CHST6: variants seen among roughly 807,000 people sequenced by gnomAD.
The protein encoded by CHST6 is carbohydrate sulfotransferase 6, also known as N-acetylglucosamine 6-O-sulfotransferase 5.
For missense variants in CHST6, 698 were observed against 586.2 expected (o/e 1.19, Z -1.97); for synonymous variants, 309 against 276.4 (o/e 1.12, Z -1.17).
chr16:75,475,185 A>G lies in CHST6; in HGVS notation c.*3456T>C, dbSNP rs1428025184. The G allele has an allele frequency of 6.6e-6, 1 of 152,420 alleles. No individual in the cohort carries two copies. The highest frequency in any genetic ancestry group is 1.9e-4 in the East Asian group (1 of 5,206). 9.4% of individuals were successfully genotyped at this position (152,420 alleles called of 1,614,324 possible). On this transcript the variant is annotated 3_prime_UTR_variant, in exon 3 of 3. Coordinates refer to ENST00000332272, the MANE Select transcript of CHST6 (RefSeq NM_021615.5). ...CAAGCCTCACCTCACAACACTGGGG[A>G]TCAAGGTTCCAACTTTGGGAGACAC...
At position 75,478,739 on chromosome 16, in the gene CHST6, C is replaced by CA. The variant is rs756252262; in HGVS notation, c.1089dup (p.Glu364Ter). 3.7e-6 allele frequency: 6 copies of CA among 1,613,432 alleles called. No individual in the cohort carries two copies. In the African/African-American group the frequency reaches 4.0e-5, roughly 11 times the overall value. On this transcript the variant is annotated frameshift_variant, in exon 3 of 3. Coordinates refer to ENST00000332272, the MANE Select transcript of CHST6 (RefSeq NM_021615.5). LOFTEE classifies it low-confidence loss of function (END_TRUNC). Reference sequence around the variant, plus strand: ...AGGGCGAGGTTGCGCTGCTCGTCCTCAGAGTACACAGGCCGGTAGCCCAGC... The same window carrying CA: ...AGGGCGAGGTTGCGCTGCTCGTCCTCAAGAGTACACAGGCCGGTAGCCCAGC...
chr16:75,478,775 C>T lies in CHST6; in HGVS notation c.1054G>A (p.Ala352Thr), dbSNP rs767693809. 3 of 1,613,476 alleles carry T rather than the reference C, an allele frequency of 1.9e-6. No individual in the cohort carries two copies. Among genetic ancestry groups the T allele is most frequent in the Middle Eastern group, 1.6e-4 (1 of 6,062 alleles). Residue 352 changes from alanine (A) to threonine (T), a missense_variant, in exon 3 of 3, where the codon GCG becomes ACG. Physicochemically the swap from Ala to Thr is moderately conservative, Grantham distance 58 (BLOSUM62 0). Coordinates refer to ENST00000332272, the MANE Select transcript of CHST6 (RefSeq NM_021615.5). Reference protein sequence around the residue: ...IRRVQELCAGALQLLGYRPVY... With the variant: ...IRRVQELCAGTLQLLGYRPVY... ...GGCCGGTAGCCCAGCAGCTGCAGCG[C>T]ACCAGCGCACAGTTCCTGCACGCGG... is the stretch of plus-strand genomic sequence containing the variant.
Position 75,491,190 on chromosome 16 carries a change from A to AAAAAAT in CHST6, c.-92+3749_-92+3750insATTTTT, listed in dbSNP as rs1206595857. 6.0e-4 allele frequency among the ~76,000 whole-genome samples: 30 copies of AAAAAAT among 50,078 alleles called. 1 individual carries two copies. The highest frequency in any genetic ancestry group is 1.5e-3 in the East Asian group (1 of 664). The allele number at this position is 50,078 out of a possible 152,430, so 32.9% of individuals were successfully genotyped here. ...TAAAAAAAAAAAAAAAAAAAAAAAA[A>AAAAAAT]ATATATATATATATATATATATATA... On this transcript the variant is annotated intron_variant, in intron 1 of 2. Transcript: ENST00000332272.
At chr16:75,484,320 G>C (rs1184320374) in intron 1 of CHST6, among the ~76,000 whole-genome samples, 2 of 152,316 alleles carry the variant, frequency 1.3e-5, no homozygotes, top group Non-Finnish European at 1.5e-5. Flanking sequence ...CTGGGTGACA[G>C]AGCGAGACTC....
rs567771048 is a variant in CHST6, at chr16:75,475,953, C to G, written c.*2688G>C. The G allele has an allele frequency of 3.3e-5, 5 of 152,356 alleles. No individual in the cohort carries two copies. Among genetic ancestry groups the G allele is most frequent in the African/African-American group, 1.2e-4 (5 of 41,572 alleles). 9.4% of individuals were successfully genotyped at this position (152,356 alleles called of 1,614,324 possible). A position where few individuals can be genotyped will look rare whatever the true frequency, so the allele number is the denominator to read the frequency against. ...GTCCGCCTCCTGGATTCAAGGGATTCTCCTGCCTCAGCCTCCTGAGTAGCT... is the reference window on the plus strand; with the variant it reads ...GTCCGCCTCCTGGATTCAAGGGATTGTCCTGCCTCAGCCTCCTGAGTAGCT... On this transcript the variant is annotated 3_prime_UTR_variant, in exon 3 of 3. Transcript: ENST00000332272.
intron 1 of CHST6, among the ~76,000 whole-genome samples, chr16:75,482,946 T>A (rs2080158358): frequency 6.6e-6 from 1 of 152,206 alleles, no homozygotes; most frequent in Admixed American, 6.5e-5. Context: ...GCTCTGCACA[T>A]GATCAACGCT....
chr16:75,481,951 A>T, intron 1 of CHST6, 60 bp from the exon 2 acceptor site: 3 of 437,780 alleles, frequency 6.9e-6, no homozygotes, highest in South Asian at 4.9e-5. Flanking sequence ...CCCAAAAGCG[A>T]CACAACTTCT....
intron 1 of CHST6, among the ~76,000 whole-genome samples, chr16:75,493,174 G>C (rs1029189234): frequency 1.3e-5 from 2 of 151,998 alleles, no homozygotes; most frequent in South Asian, 2.1e-4. Context: ...TTTACTGAGC[G>C]ATCTTGTGCA....
In CHST6 at chr16:75,478,237, C is replaced by T. The variant is rs2080087315; in HGVS notation, c.*404G>A. Reference sequence around the variant, plus strand: ...GTGCATATGTATGTGATGTACAGACCTCTGGAGCCATTTCACCACAGTGCC... The same window carrying T: ...GTGCATATGTATGTGATGTACAGACTTCTGGAGCCATTTCACCACAGTGCC... On this transcript the variant is annotated 3_prime_UTR_variant, in exon 3 of 3. Coordinates refer to ENST00000332272, the MANE Select transcript of CHST6 (RefSeq NM_021615.5). 1 of 338,446 alleles carries T rather than the reference C, an allele frequency of 3.0e-6. No individual in the cohort carries two copies. The highest frequency in any genetic ancestry group is 4.3e-5 in the Admixed American group (1 of 23,456). The allele number at this position is 338,446 out of a possible 1,614,324, so 21.0% of individuals were successfully genotyped here. A position where few individuals can be genotyped will look rare whatever the true frequency, so the allele number is the denominator to read the frequency against.
chr16:75,482,601 G>A (rs929718283), intron 1 of CHST6, among the ~76,000 whole-genome samples: 1 of 152,158 alleles, frequency 6.6e-6, no homozygotes. Flanking sequence ...CACTGAGCCA[G>A]CTTCCCGCAT....
At chr16:75,487,643 CA>C (rs541474006) in intron 1 of CHST6, among the ~76,000 whole-genome samples, 7 of 151,280 alleles carry the variant, frequency 4.6e-5, no homozygotes, top group Non-Finnish European at 8.8e-5. Flanking sequence ...ACTAAAAATA[CA>C]AAAAATTAGC....
chr16:75,489,144 A>G (rs901271005), intron 1 of CHST6, among the ~76,000 whole-genome samples: 3 of 151,924 alleles, frequency 2.0e-5, no homozygotes, highest in African/African-American at 7.3e-5. Flanking sequence ...GATGCCTGTA[A>G]TCACAGCACT....
chr16:75,487,335 G>A (rs1187978620), intron 1 of CHST6, among the ~76,000 whole-genome samples: 1 of 152,186 alleles, frequency 6.6e-6, no homozygotes, highest in Admixed American at 6.5e-5. Flanking sequence ...TCTCTGGGCA[G>A]CACTCACTTC....
At chr16:75,480,896 C>T (rs2080133608) in intron 2 of CHST6, among the ~76,000 whole-genome samples, 2 of 144,068 alleles carry the variant, frequency 1.4e-5, no homozygotes, top group African/African-American at 5.2e-5. Flanking sequence ...CGCCATTGCA[C>T]TCCAGCCTGG....
In CHST6 at chr16:75,486,063, A is replaced by G. The variant is rs544085335; in HGVS notation, c.-91-4172T>C. Among the ~76,000 whole-genome samples, 189 of 152,264 alleles carry G rather than the reference A, an allele frequency of 1.2e-3. 1 individual carries two copies. The highest frequency in any genetic ancestry group is 2.5e-3 in the Admixed American group (38 of 15,294). On this transcript the variant is annotated intron_variant, in intron 1 of 2. Coordinates refer to ENST00000332272, the MANE Select transcript of CHST6 (RefSeq NM_021615.5). ...AGGCTTCAGATGGCCGGGAATAATC[A>G]GTGTTCATCAAACAAGCTCCATCTC... is the stretch of plus-strand genomic sequence containing the variant.
chr16:75,494,015 T>C (rs1227615280), intron 1 of CHST6, among the ~76,000 whole-genome samples: 1 of 152,184 alleles, frequency 6.6e-6, no homozygotes, highest in Non-Finnish European at 1.5e-5. Flanking sequence ...CAGCTTATTT[T>C]TGTATTTTTA....
At chr16:75,492,414 G>A (rs2080266393) in intron 1 of CHST6, among the ~76,000 whole-genome samples, 1 of 152,236 alleles carries the variant, frequency 6.6e-6, no homozygotes, top group South Asian at 2.1e-4. Context: ...GTTTCCCTAA[G>A]TATTGACAGA....
At chr16:75,483,752 G>A (rs539829859) in intron 1 of CHST6, among the ~76,000 whole-genome samples, 58 of 152,286 alleles carry the variant, frequency 3.8e-4, no homozygotes, top group Non-Finnish European at 7.1e-4. Flanking sequence ...AGCCGGGTAC[G>A]GTAACTCATG....
rs889306581 is a variant in CHST6, at chr16:75,476,170, A to G, written c.*2471T>C. The G allele has an allele frequency of 1.3e-5, 2 of 152,048 alleles. No homozygotes were observed. Among genetic ancestry groups the G allele is most frequent in the African/African-American group, 2.4e-5 (1 of 41,390 alleles). 9.4% of individuals were successfully genotyped at this position (152,048 alleles called of 1,614,324 possible). On this transcript the variant is annotated 3_prime_UTR_variant, in exon 3 of 3. Coordinates refer to ENST00000332272, the MANE Select transcript of CHST6 (RefSeq NM_021615.5). Reference sequence around the variant, plus strand: ...CTTGTGGTTGAAATCTTAACCCACAATATGATGGTGTTGGGATGTGGAGCC... The same window carrying G: ...CTTGTGGTTGAAATCTTAACCCACAGTATGATGGTGTTGGGATGTGGAGCC...
Sources: gnomAD v4.1 joint callset for allele counts (sites outside exome capture counted in the v4.1 genomes callset) on GRCh38, gnomAD v4.1.1 for gene constraint, MANE v1.5 for transcripts, NCBI Gene and HGNC (gene_info 2026-07-23, HGNC 2026-07-21) for gene names.